GPC4: variants seen among roughly 807,000 people sequenced by gnomAD.
GPC4 encodes glypican 4.
In GPC4, 10 loss-of-function variants were observed where a neutral mutation model predicts 35.0. The ratio of observed to expected loss-of-function variants is 0.29; its 90% confidence interval spans 0.18 to 0.48. The LOEUF is 0.48. GPC4 is among the 20% of genes least tolerant of loss of function. The pLI is 0.99. For missense variants in GPC4, 322 were observed against 451.3 expected (o/e 0.71, Z 2.60); for synonymous variants, 167 against 170.2 (o/e 0.98, Z 0.15).
chrX:133,319,840 T>C (rs2124116529), intron 3 of GPC4, among the ~76,000 whole-genome samples: 1 of 111,895 alleles, frequency 8.9e-6, no homozygotes, highest in South Asian at 3.7e-4. Flanking sequence ...GTATCTCAAA[T>C]TTTTTAACTG....
intron 1 of GPC4, among the ~76,000 whole-genome samples, chrX:133,386,787 G>A (rs2068692914): frequency 8.9e-6 from 1 of 111,820 alleles, no homozygotes; most frequent in Non-Finnish European, 1.9e-5. Context: ...TTTAGTTTAT[G>A]GTTTTGAGAC....
At chrX:133,331,963 A>G (rs1043103885) in intron 2 of GPC4, among the ~76,000 whole-genome samples, 13 of 111,064 alleles carry the variant, frequency 1.2e-4, no homozygotes, top group Non-Finnish European at 2.5e-4. Flanking sequence ...TATAATCAGA[A>G]AAGTGATATA....
intron 1 of GPC4, among the ~76,000 whole-genome samples, chrX:133,382,763 A>C (rs1378957994): frequency 8.9e-6 from 1 of 112,805 alleles, no homozygotes; most frequent in Non-Finnish European, 1.9e-5. Flanking sequence ...ACAAACAAAA[A>C]AACAGGCAAA....
intron 2 of GPC4, among the ~76,000 whole-genome samples, chrX:133,325,281 TGTGTGTGA>T (rs2068386738): frequency 4.6e-5 from 5 of 109,686 alleles, no homozygotes; most frequent in African/African-American, 1.7e-4. Flanking sequence ...TGTGAGTGTG[TGTGTGTGA>T]GAGAGAGAGA....
chrX:133,380,830 C>T (rs1321928258), intron 1 of GPC4, among the ~76,000 whole-genome samples: 1 of 111,715 alleles, frequency 9.0e-6, no homozygotes, highest in Non-Finnish European at 1.9e-5. Context: ...GATCCAATGC[C>T]AGAGATTAGA....
chrX:133,358,113 C>T (rs1171830933), intron 1 of GPC4, among the ~76,000 whole-genome samples: 2 of 112,164 alleles, frequency 1.8e-5, no homozygotes, highest in African/African-American at 3.2e-5. Flanking sequence ...GGATTATGAG[C>T]TACAGAATCT....
chrX:133,398,695 G>A (rs2068755408), intron 1 of GPC4, among the ~76,000 whole-genome samples: 1 of 109,381 alleles, frequency 9.1e-6, no homozygotes, highest in African/African-American at 3.3e-5. Flanking sequence ...TTGAACCCGG[G>A]AGGTGGAAGT....
chrX:133,399,483 C>G, intron 1 of GPC4, among the ~76,000 whole-genome samples: 1 of 111,612 alleles, frequency 9.0e-6, no homozygotes, highest in East Asian at 2.8e-4. Flanking sequence ...CTAAAGGTGA[C>G]ATACTTCCTC....
At chrX:133,324,772 T>C (rs1003534004) in intron 2 of GPC4, among the ~76,000 whole-genome samples, 2 of 110,924 alleles carry the variant, frequency 1.8e-5, no homozygotes, top group Non-Finnish European at 3.8e-5. Flanking sequence ...AGGAAAAAAA[T>C]GAAAATTTAA....
intron 2 of GPC4, among the ~76,000 whole-genome samples, chrX:133,325,300 CAG>C (rs72381343): frequency 7.5e-5 from 8 of 107,212 alleles, no homozygotes; most frequent in Admixed American, 1.0e-4. Context: ...GAGAGAGAGA[CAG>C]AGAGAGAGAG....
chrX:133,374,757 T>C (rs2068626600), intron 1 of GPC4, among the ~76,000 whole-genome samples: 1 of 112,388 alleles, frequency 8.9e-6, no homozygotes, highest in Non-Finnish European at 1.9e-5. Context: ...GCTCTGAGTC[T>C]ACAATACAGA....
intron 2 of GPC4, among the ~76,000 whole-genome samples, chrX:133,333,385 A>C (rs1450719574): frequency 8.9e-6 from 1 of 112,876 alleles, no homozygotes; most frequent in Non-Finnish European, 1.9e-5. Context: ...TGGGCTCGTA[A>C]AGCTGCACAT....
chrX:133,318,139 A>ACC (rs2068347160), intron 3 of GPC4, among the ~76,000 whole-genome samples: 1 of 111,101 alleles, frequency 9.0e-6, no homozygotes, highest in African/African-American at 3.3e-5. Context: ...TACCATCCTC[A>ACC]CCCCTTCCCC....
At chrX:133,379,662 A>G (rs745965364) in intron 1 of GPC4, among the ~76,000 whole-genome samples, 7 of 111,852 alleles carry the variant, frequency 6.3e-5, no homozygotes, top group African/African-American at 1.9e-4. Context: ...AGTGACTTAG[A>G]GAAGTCTTAG....
At position 133,415,313 on chromosome X, in the gene GPC4, A is replaced by T. The variant is rs1603104399; in HGVS notation, c.-348T>A. 1 of 220,091 alleles carries T rather than the reference A, an allele frequency of 4.5e-6. No individual in the cohort carries two copies. Among genetic ancestry groups the T allele is most frequent in the Non-Finnish European group, 8.1e-6 (1 of 123,758 alleles). The allele number at this position is 220,091 out of a possible 1,213,427, so 18.1% of individuals were successfully genotyped here. ...GGCCGGCGAGGCGGGGACGCGGGGA[A>T]GGAGGGAAGGGTGGCAGGCGCCGCG... On this transcript the variant is annotated 5_prime_UTR_variant, in exon 1 of 9. Transcript: ENST00000370828.
intron 1 of GPC4, among the ~76,000 whole-genome samples, chrX:133,363,327 ACACC>A (rs2068577097): frequency 9.0e-6 from 1 of 110,640 alleles, no homozygotes; most frequent in Non-Finnish European, 1.9e-5. Context: ...ATGAACCACC[ACACC>A]TGCCTGGCCT....
chrX:133,382,629 T>G (rs370001649), intron 1 of GPC4, among the ~76,000 whole-genome samples: 2 of 109,161 alleles, frequency 1.8e-5, no homozygotes, highest in East Asian at 5.8e-4. Flanking sequence ...CTTGGGAGGC[T>G]GAGGCAGGAG....
intron 1 of GPC4, among the ~76,000 whole-genome samples, chrX:133,412,455 G>C (rs1269898746): frequency 2.7e-5 from 3 of 111,865 alleles, no homozygotes; most frequent in African/African-American, 9.8e-5. Context: ...AAATTGCACT[G>C]CATGAGCTAA....
intron 1 of GPC4, among the ~76,000 whole-genome samples, chrX:133,407,972 C>T (rs188076988): frequency 1.8e-5 from 2 of 112,379 alleles, no homozygotes; most frequent in East Asian, 2.8e-4. Flanking sequence ...CAGTTTTTTC[C>T]CCTAATTTCT....
Sources: allele counts gnomAD v4.1 joint callset (sites outside exome capture counted in the v4.1 genomes callset), GRCh38; gene constraint gnomAD v4.1.1; transcripts MANE v1.5; gene names NCBI Gene and HGNC (gene_info 2026-07-23, HGNC 2026-07-21).